The following GLUD1 variants were observed in gnomAD, a reference collection of about 807,000 sequenced individuals.
GLUD1 encodes glutamate dehydrogenase 1, mitochondrial.
In GLUD1, 22 loss-of-function variants were observed where a neutral mutation model predicts 56.0. The ratio of observed to expected loss-of-function variants is 0.39; its 90% CI spans 0.28 to 0.56. GLUD1 has a LOEUF of 0.56. GLUD1 is among the 20% of genes least tolerant of loss of function. The pLI is 0.58. For synonymous variants in GLUD1, 223 were observed against 269.9 expected, an observed-to-expected ratio of 0.83 and a Z score of 1.70; for missense variants, 451 against 732.0, an observed-to-expected ratio of 0.62 and a Z score of 4.43.
chr10:87,080,132 A>G (rs1400445497), intron 1 of GLUD1, among the ~76,000 whole-genome samples: 1 of 151,632 alleles, frequency 6.6e-6, no homozygotes, highest in Non-Finnish European at 1.5e-5. Flanking sequence ...TGGAGACGGG[A>G]TTTCGCTGTG....
chr10:87,061,445 G>A (rs897804157), intron 6 of GLUD1, among the ~76,000 whole-genome samples: 1 of 152,022 alleles, frequency 6.6e-6, no homozygotes, highest in African/African-American at 2.4e-5. Context: ...TTGAACCTGG[G>A]AGGTGGAGGT....
At chr10:87,057,821 G>GAAA in intron 10 of GLUD1, 39 bp from the exon 11 acceptor site, 98 of 722,060 alleles carry the variant, frequency 1.4e-4, no homozygotes, top group Middle Eastern at 3.7e-4. Flanking sequence ...ATTGCTAACA[G>GAAA]AAAAAAAAAA....
intron 1 of GLUD1, chr10:87,091,505 T>A (rs1474167526): frequency 7.5e-6 from 2 of 266,742 alleles, no homozygotes; most frequent in Non-Finnish European, 1.2e-5. Flanking sequence ...ATTCTCACAC[T>A]ATGCCCCTTT....
chr10:87,078,658 G>C (rs1216059177), intron 1 of GLUD1, among the ~76,000 whole-genome samples: 1 of 152,034 alleles, frequency 6.6e-6, no homozygotes, highest in Non-Finnish European at 1.5e-5. Flanking sequence ...AAAAATATTT[G>C]ACATACATGT....
At chr10:87,052,930 G>A (rs184891424) in intron 12 of GLUD1, among the ~76,000 whole-genome samples, 1 of 152,180 alleles carries the variant, frequency 6.6e-6, no homozygotes, top group East Asian at 1.9e-4. Flanking sequence ...AAGAAATTAG[G>A]AAAACTGGAC....
At chr10:87,063,150 C>T (rs1197809466) in intron 5 of GLUD1, among the ~76,000 whole-genome samples, 3 of 151,190 alleles carry the variant, frequency 2.0e-5, no homozygotes, top group Admixed American at 6.6e-5. Flanking sequence ...CTTGGCTCAT[C>T]GCAACCTCCA....
intron 12 of GLUD1, 87 bp downstream of exon 12, chr10:87,053,255 A>C: frequency 2.3e-6 from 2 of 854,078 alleles, no homozygotes; most frequent in Non-Finnish European, 4.1e-6. Context: ...GTTTTCTATC[A>C]GCACATACAG....
At chr10:87,069,543 T>C (rs926010382) in intron 4 of GLUD1, among the ~76,000 whole-genome samples, 1 of 142,418 alleles carries the variant, frequency 7.0e-6, no homozygotes, top group Non-Finnish European at 1.5e-5. Context: ...AGTTAAACTA[T>C]TAAACTATTA....
intron 4 of GLUD1, among the ~76,000 whole-genome samples, chr10:87,069,894 A>G (rs1589367295): frequency 1.3e-5 from 2 of 152,166 alleles, no homozygotes; most frequent in East Asian, 3.8e-4. Flanking sequence ...AATCTTGTGA[A>G]GTCTAATCCC....
At chr10:87,064,188 C>T (rs896069218) in intron 5 of GLUD1, among the ~76,000 whole-genome samples, 1 of 152,158 alleles carries the variant, frequency 6.6e-6, no homozygotes, top group Non-Finnish European at 1.5e-5. Flanking sequence ...GCTGGGATTA[C>T]AGGCGTGAGC....
intron 5 of GLUD1, among the ~76,000 whole-genome samples, chr10:87,065,566 G>C (rs989810497): frequency 6.6e-6 from 1 of 152,134 alleles, no homozygotes; most frequent in Non-Finnish European, 1.5e-5. Flanking sequence ...CAAGTGATAA[G>C]AAATCTAAAA....
chr10:87,066,590 G>GTCCATGTCCACAC, intron 5 of GLUD1, among the ~76,000 whole-genome samples: 1 of 152,122 alleles, frequency 6.6e-6, no homozygotes, highest in Admixed American at 6.5e-5. Context: ...CCCTACCCTA[G>GTCCATGTCCACAC]TCCATGTCCA....
At chr10:87,068,565 G>A (rs1373932293) in intron 4 of GLUD1, among the ~76,000 whole-genome samples, 1 of 152,182 alleles carries the variant, frequency 6.6e-6, no homozygotes, top group Non-Finnish European at 1.5e-5. Flanking sequence ...GAGTTGACAT[G>A]TATGAGATAG....
chr10:87,051,997 C>G (rs1845643107), intron 12 of GLUD1, 127 bp from the exon 13 acceptor site: 1 of 999,886 alleles, frequency 1.0e-6, no homozygotes, highest in Non-Finnish European at 1.6e-6. Context: ...CTTGGGCAGC[C>G]AAAGACAAAC....
chr10:87,060,305 C>A (rs1482607624), intron 8 of GLUD1, 64 bp from the exon 9 acceptor site: 1 of 1,036,812 alleles, frequency 9.6e-7, no homozygotes, highest in African/African-American at 1.6e-5. Context: ...CCACTGAGGG[C>A]AAGAGATGTG....
At chr10:87,059,985 A>C (rs886186189) in intron 9 of GLUD1, among the ~76,000 whole-genome samples, 176 bp downstream of exon 9, 26 of 152,240 alleles carry the variant, frequency 1.7e-4, no homozygotes, top group African/African-American at 5.5e-4. Flanking sequence ...GTTTCGATCA[A>C]AGTGAAAATT....
intron 11 of GLUD1, 33 bp from the exon 12 acceptor site, chr10:87,053,437 C>A (rs1313401782): frequency 7.7e-7 from 1 of 1,301,012 alleles, no homozygotes; most frequent in African/African-American, 1.5e-5. Context: ...TTTAACAAAA[C>A]CACAAAGACC....
intron 3 of GLUD1, 21 bp downstream of exon 3, chr10:87,075,946 CA>C: frequency 6.8e-7 from 1 of 1,479,666 alleles, no homozygotes; most frequent in Non-Finnish European, 9.4e-7. Flanking sequence ...CAATAAAAAA[CA>C]AATATCACTT....
chr10:87,089,425 T>C (rs536588714), intron 1 of GLUD1: 1 of 159,564 alleles, frequency 6.3e-6, no homozygotes, highest in African/African-American at 2.4e-5. Flanking sequence ...GCATGAGGCA[T>C]AAAAGCAATG....
Sources: allele counts gnomAD v4.1 joint callset (sites outside exome capture counted in the v4.1 genomes callset), GRCh38; gene constraint gnomAD v4.1.1; transcripts MANE v1.5; gene names NCBI Gene and HGNC (gene_info 2026-07-23, HGNC 2026-07-21).